Variants in APOO observed in about 807,000 individuals in gnomAD.
The protein encoded by APOO is apolipoprotein O, also known as MICOS complex subunit MIC26.
APOO carries 11 observed loss-of-function variants against 23.1 expected under a neutral mutation model. That is an observed-to-expected ratio of 0.48 (90% CI 0.30 to 0.79). The LOEUF (loss-of-function observed/expected upper bound fraction) is 0.79, where lower values mean the gene tolerates loss of function less well. Ranked by LOEUF, APOO falls within the 30% of genes least tolerant of loss-of-function variation. APOO has a pLI of 0.07. For missense variants in APOO, 160 were observed against 142.7 expected (o/e 1.12, Z -0.62); for synonymous variants, 59 against 54.8 (o/e 1.08, Z -0.34).
intron 3 of APOO, among the ~76,000 whole-genome samples, chrX:23,878,704 T>A (rs1925965717): frequency 2.2e-5 from 1 of 45,272 alleles, no homozygotes; most frequent in South Asian, 1.8e-3. Flanking sequence ...ATCAAATAGG[T>A]TTTATTCATT....
intron 4 of APOO, among the ~76,000 whole-genome samples, chrX:23,872,916 T>C (rs1452279551): frequency 9.1e-6 from 1 of 109,579 alleles, no homozygotes; most frequent in Admixed American, 9.9e-5. Flanking sequence ...CTGGGTGTGG[T>C]GGCGTGTGCC....
chrX:23,894,356 G>T (rs1926807201), intron 1 of APOO, among the ~76,000 whole-genome samples: 1 of 110,138 alleles, frequency 9.1e-6, no homozygotes, highest in Non-Finnish European at 1.9e-5. Flanking sequence ...CGTTGGCCAG[G>T]CTGGTCTCAA....
At chrX:23,889,379 A>G (rs1269966541) in intron 1 of APOO, among the ~76,000 whole-genome samples, 1 of 111,401 alleles carries the variant, frequency 9.0e-6, no homozygotes, top group Non-Finnish European at 1.9e-5. Flanking sequence ...ACTGCCTTAA[A>G]GACAAATAAA....
At chrX:23,885,091 T>TA (rs1255673836) in intron 1 of APOO, among the ~76,000 whole-genome samples, 2 of 110,653 alleles carry the variant, frequency 1.8e-5, no homozygotes, top group African/African-American at 3.3e-5. Context: ...TTCAGGGGTG[T>TA]ATTTATTTCT....
At chrX:23,887,965 T>C (rs758529859) in intron 1 of APOO, among the ~76,000 whole-genome samples, 1 of 112,026 alleles carries the variant, frequency 8.9e-6, no homozygotes, top group Non-Finnish European at 1.9e-5. Context: ...GTAAGACCCA[T>C]AGTCACAGAG....
intron 7 of APOO, among the ~76,000 whole-genome samples, chrX:23,846,362 C>T (rs1167571615): frequency 9.7e-6 from 1 of 103,583 alleles, no homozygotes; most frequent in East Asian, 3.0e-4. Context: ...TGGCTCACGC[C>T]TGTAGTCCCA....
intron 1 of APOO, among the ~76,000 whole-genome samples, chrX:23,887,874 C>T (rs1479862720): frequency 1.8e-5 from 2 of 111,644 alleles, no homozygotes; most frequent in Admixed American, 9.6e-5. Context: ...TTACTAAATG[C>T]CTTTCTTGGC....
chrX:23,860,709 A>G (rs1326355565), intron 5 of APOO, among the ~76,000 whole-genome samples: 1 of 106,433 alleles, frequency 9.4e-6, no homozygotes, highest in African/African-American at 3.4e-5. Flanking sequence ...TTTTGTAGAC[A>G]CGGGGTTTCC....
In APOO at chrX:23,848,805, T is replaced by A. The variant is rs1005701696; in HGVS notation, c.561+7497A>T. On this transcript the variant is annotated intron_variant, in intron 7 of 8. Transcript: ENST00000379226. ...GCTTCAAGCAATTCTCCTGACTGAGTCTCCTGAGTAGCTGGGACTACAGGC... is the reference window on the plus strand; with the variant it reads ...GCTTCAAGCAATTCTCCTGACTGAGACTCCTGAGTAGCTGGGACTACAGGC... Among the ~76,000 whole-genome samples, 9 of 104,457 alleles carry A rather than the reference T, an allele frequency of 8.6e-5. No individual in the cohort carries two copies. In the Admixed American group the frequency reaches 9.4e-4, roughly 11 times the overall value. The allele number at this position is 104,457 out of a possible 115,157, so 90.7% of individuals were successfully genotyped here.
At chrX:23,899,738 A>G (rs1927050400) in intron 1 of APOO, among the ~76,000 whole-genome samples, 2 of 112,569 alleles carry the variant, frequency 1.8e-5, no homozygotes, top group African/African-American at 6.4e-5. Context: ...TACACACCTA[A>G]TAACATGCAT....
chrX:23,895,035 G>A (rs1348091604), intron 1 of APOO, among the ~76,000 whole-genome samples: 1 of 108,751 alleles, frequency 9.2e-6, no homozygotes, highest in Non-Finnish European at 1.9e-5. Flanking sequence ...CTACTCAGGA[G>A]GCTGAGGCAG....
chrX:23,856,591 G>A (rs1407041820), intron 6 of APOO, among the ~76,000 whole-genome samples: 1 of 103,211 alleles, frequency 9.7e-6, no homozygotes, highest in Non-Finnish European at 2.0e-5. Context: ...TTTCGCTCTT[G>A]TTGCCCAGGC....
intron 3 of APOO, among the ~76,000 whole-genome samples, chrX:23,875,539 C>A (rs1020143015): frequency 9.4e-6 from 1 of 106,115 alleles, no homozygotes; most frequent in African/African-American, 3.4e-5. Flanking sequence ...CCTGCCTCAG[C>A]CTCCCGAGTA....
At position 23,889,222 on chromosome X, in the gene APOO, C is replaced by T. The variant is rs146223714; in HGVS notation, c.10-8270G>A. Reference sequence around the variant, plus strand: ...AAGGTAGATTCTTAGACACAGTTTACCAAGACATGAATCTGGTAAGGTCGT... The same window carrying T: ...AAGGTAGATTCTTAGACACAGTTTATCAAGACATGAATCTGGTAAGGTCGT... On this transcript the variant is annotated intron_variant, in intron 1 of 8. Transcript: ENST00000379226. Among the ~76,000 whole-genome samples the T allele has an allele frequency of 6.8e-4, 76 of 111,599 alleles. No homozygotes were observed. In the East Asian group the frequency reaches 0.021, roughly 30 times the overall value.
intron 4 of APOO, among the ~76,000 whole-genome samples, chrX:23,873,913 G>A (rs1002740003): frequency 9.0e-6 from 1 of 110,958 alleles, no homozygotes; most frequent in African/African-American, 3.3e-5. Context: ...GTGATAAGTG[G>A]CCCACAACTG....
At position 23,903,750 on chromosome X, in the gene APOO, A is replaced by C. The variant is rs772448706; in HGVS notation, c.9+3944T>G. Among the ~76,000 whole-genome samples, 3 of 112,165 alleles carry C rather than the reference A, an allele frequency of 2.7e-5. No individual in the cohort carries two copies. In the South Asian group the frequency reaches 1.1e-3, roughly 42 times the overall value. The stretch of plus-strand genomic sequence containing the variant: ...AAAAACGAAAAAAGAAAAAAAGAAC[A>C]ACCCCACAAGTTTCCAAAACATACC... On this transcript the variant is annotated intron_variant, in intron 1 of 8. Transcript: ENST00000379226.
chrX:23,853,617 T>TG (rs1924649879), intron 7 of APOO, among the ~76,000 whole-genome samples: 2 of 96,253 alleles, frequency 2.1e-5, no homozygotes, highest in South Asian at 5.6e-4. Flanking sequence ...CGTTTTTTTT[T>TG]TTTGTTTGTT....
At chrX:23,902,912 AAAGGGT>A (rs1307121755) in intron 1 of APOO, among the ~76,000 whole-genome samples, 1 of 111,051 alleles carries the variant, frequency 9.0e-6, no homozygotes, top group Non-Finnish European at 1.9e-5. Context: ...CAGAGCCCTC[AAAGGGT>A]CTGGCCTATC....
rs904877313 is a variant in APOO, at chrX:23,894,053, G to A, written c.10-13101C>T. Among the ~76,000 whole-genome samples the A allele has an allele frequency of 1.6e-4, 18 of 111,377 alleles. No homozygotes were observed. In the East Asian group the frequency reaches 1.7e-3, roughly 10 times the overall value. On this transcript the variant is annotated intron_variant, in intron 1 of 8. Transcript: ENST00000379226. ...TTTAAATAGATGTTTTCTTTTCAAA[G>A]CAGTTACCTTGATAAATCATATATG...
Sources: gnomAD v4.1 joint callset for allele counts (sites outside exome capture counted in the v4.1 genomes callset) on GRCh38, gnomAD v4.1.1 for gene constraint, MANE v1.5 for transcripts, NCBI Gene and HGNC (gene_info 2026-07-23, HGNC 2026-07-21) for gene names.